Variants in TMEM229B observed in about 807,000 individuals in gnomAD.
TMEM229B encodes transmembrane protein 229B, also known as chromosome 14 open reading frame 83.
TMEM229B carries 6 observed loss-of-function variants against 13.7 expected under a neutral mutation model. The observed-to-expected ratio is 0.44, with a 90% CI of 0.24 to 0.86. The LOEUF is 0.86. Among genes scored for constraint, TMEM229B ranks in the 40% least tolerant of loss-of-function variants. The pLI is 0.23. For synonymous variants in TMEM229B, 107 were observed against 102.1 expected (o/e 1.05, Z -0.29); for missense variants, 170 against 236.0 (o/e 0.72, Z 1.83).
At chr14:67,516,088 A>C (rs1453501994), upstream of TMEM229B, among the ~76,000 whole-genome samples, 1 of 152,238 alleles carries the variant, frequency 6.6e-6, no homozygotes, top group Non-Finnish European at 1.5e-5. Context: ...ACAATACCGA[A>C]CGTAGGAAAT....
upstream of TMEM229B, among the ~76,000 whole-genome samples, chr14:67,491,111 G>A (rs1377461837): frequency 6.6e-6 from 1 of 152,176 alleles, no homozygotes; most frequent in Non-Finnish European, 1.5e-5. Flanking sequence ...ACAAACCAGG[G>A]TTCCCATGAC....
At chr14:67,482,098 G>A (rs1011935913) in intron 2 of TMEM229B, among the ~76,000 whole-genome samples, 7 of 152,154 alleles carry the variant, frequency 4.6e-5, no homozygotes, top group Admixed American at 4.6e-4. Flanking sequence ...GAGTCCCATC[G>A]AAGGGCCAGG....
intron 1 of TMEM229B, among the ~76,000 whole-genome samples, chr14:67,524,754 C>A (rs2033342245): frequency 6.6e-6 from 1 of 152,194 alleles, no homozygotes; most frequent in African/African-American, 2.4e-5. Flanking sequence ...TCCAGTAATG[C>A]TGTTGTGGTC....
upstream of TMEM229B, among the ~76,000 whole-genome samples, chr14:67,516,439 C>A (rs184241062): frequency 5.1e-4 from 77 of 152,246 alleles, 2 homozygotes; most frequent in Non-Finnish European, 7.4e-5. Context: ...GAGGCTGAAG[C>A]CCTTACCCCT....
chr14:67,504,302 C>T (rs2032734952), intron 1 of TMEM229B, among the ~76,000 whole-genome samples: 1 of 152,216 alleles, frequency 6.6e-6, no homozygotes, highest in Non-Finnish European at 1.5e-5. Flanking sequence ...GCGTGAGCCA[C>T]CGTGCCCAGG....
chr14:67,522,779 G>T (rs114771573), intron 1 of TMEM229B, among the ~76,000 whole-genome samples: 111 of 152,324 alleles, frequency 7.3e-4, no homozygotes, highest in African/African-American at 2.5e-3. Context: ...GTGAGGCAGT[G>T]TGCCCACTGC....
At chr14:67,498,274 G>A (rs2032470000) in intron 1 of TMEM229B, among the ~76,000 whole-genome samples, 2 of 152,104 alleles carry the variant, frequency 1.3e-5, no homozygotes, top group Non-Finnish European at 2.9e-5. Context: ...AAGCTTCTGA[G>A]CCACGATGGG....
chr14:67,499,557 G>T (rs1238169213), intron 1 of TMEM229B, among the ~76,000 whole-genome samples: 1 of 152,214 alleles, frequency 6.6e-6, no homozygotes, highest in Non-Finnish European at 1.5e-5. Flanking sequence ...ATAAATAGGT[G>T]CCAGGCTTGG....
intron 1 of TMEM229B, among the ~76,000 whole-genome samples, chr14:67,496,776 T>G (rs898946907): frequency 2.1e-5 from 2 of 96,938 alleles, no homozygotes; most frequent in Non-Finnish European, 4.4e-5. Flanking sequence ...CCTTCCTCCC[T>G]CCCTCATTTC....
At position 67,510,172 on chromosome 14, in the gene TMEM229B, G is replaced by A. The variant is rs560014646; in HGVS notation, c.-192+4914C>T. On this transcript the variant is annotated intron_variant, in intron 1 of 2. Transcript: ENST00000357461. ...GATAATTAATAGTAGCTATCTCATT[G>A]ATATGAGAAAAGAACATATGTAAAT... is the stretch of plus-strand genomic sequence containing the variant. Among the ~76,000 whole-genome samples, 9 of 152,302 alleles carry A rather than the reference G, an allele frequency of 5.9e-5. No homozygotes were observed. The South Asian group carries it at 1.9e-3, about 32-fold the overall frequency.
rs535005334 is a variant in TMEM229B at position 67,505,710 on chromosome 14, CT to C, written c.-192+9375del. On this transcript the variant is annotated intron_variant, in intron 1 of 2. Coordinates refer to the TMEM229B transcript ENST00000357461. ...GATCTAGAATAGAGGATAATTTGCT[CT>C]TTTTTTTTTTTTTTAAACAGATTCT... 4.5e-3 allele frequency among the ~76,000 whole-genome samples: 634 copies of C among 141,234 alleles called. 3 individuals are homozygous for C. Among genetic ancestry groups the C allele is most frequent in the Middle Eastern group, 0.014 (4 of 276 alleles). 92.7% of individuals were successfully genotyped at this position (141,234 alleles called of 152,430 possible).
Position 67,473,148 on chromosome 14 carries a change from C to A in TMEM229B, c.*272G>T, listed in dbSNP as rs1323933964. The stretch of plus-strand genomic sequence containing the variant: ...AACTACATAGTCCATCGCTGCTCAG[C>A]CACAGGCCTCCTGGTACCAACCCCT... On this transcript the variant is annotated 3_prime_UTR_variant, in exon 3 of 3. Transcript: ENST00000554480. This position sits in a 1 kb window ranked among gnomAD's most constrained non-coding sequence, Gnocchi z 6.5. 2 of 483,864 alleles carry A rather than the reference C, an allele frequency of 4.1e-6. No individual in the cohort carries two copies. The highest frequency in any genetic ancestry group is 7.5e-6 in the Non-Finnish European group (2 of 265,506). The allele number at this position is 483,864 out of a possible 1,614,324, so 30.0% of individuals were successfully genotyped here. A position where few individuals can be genotyped will look rare whatever the true frequency, so the allele number is the denominator to read the frequency against.
upstream of TMEM229B, among the ~76,000 whole-genome samples, chr14:67,492,675 A>G (rs747312208): frequency 7.2e-5 from 11 of 152,074 alleles, no homozygotes; most frequent in Non-Finnish European, 1.0e-4. Context: ...TGACAACAGG[A>G]CTCCGCTTTT....
intron 1 of TMEM229B, among the ~76,000 whole-genome samples, chr14:67,487,865 C>A (rs993515528): frequency 6.6e-6 from 1 of 152,042 alleles, no homozygotes; most frequent in African/African-American, 2.4e-5. Flanking sequence ...CTTGGCCAAC[C>A]CTCCCACCTC....
chr14:67,477,263 G>A (rs559298681), intron 2 of TMEM229B, among the ~76,000 whole-genome samples: 4 of 151,948 alleles, frequency 2.6e-5, no homozygotes, highest in African/African-American at 4.8e-5. Context: ...ACCTTGCCCC[G>A]ATTGACATCT....
rs147928002 is a variant in TMEM229B at position 67,511,092 on chromosome 14, T to G, written c.-192+3994A>C. On this transcript the variant is annotated intron_variant, in intron 1 of 2. Transcript: ENST00000357461. ...AACTCAGGGTGAGTGACCTTTCCAA[T>G]GGAAACGGATCATTCCAGAAGCTCA... Among the ~76,000 whole-genome samples the G allele has an allele frequency of 2.3e-3, 350 of 152,266 alleles. 2 individuals are homozygous for G. The highest frequency in any genetic ancestry group is 7.8e-3 in the African/African-American group (325 of 41,548).
chr14:67,474,149 A>G (rs920666230), intron 2 of TMEM229B, among the ~76,000 whole-genome samples: 12 of 152,106 alleles, frequency 7.9e-5, no homozygotes, highest in Non-Finnish European at 1.5e-4. Context: ...CTACTTGGGA[A>G]GCTGAGGCAG....
chr14:67,517,698 C>CA (rs1052951543), upstream of TMEM229B, among the ~76,000 whole-genome samples: 1 of 151,990 alleles, frequency 6.6e-6, no homozygotes, highest in Non-Finnish European at 1.5e-5. Flanking sequence ...CATTTCTTCC[C>CA]AAAAAAATTT....
chr14:67,483,532 G>A (rs71421375), intron 2 of TMEM229B, among the ~76,000 whole-genome samples: 2,255 of 152,346 alleles, frequency 0.015, 18 homozygotes, highest in Middle Eastern at 0.031. Flanking sequence ...CTTCTAGGTG[G>A]TTCATTAACA....
Sources: allele counts gnomAD v4.1 joint callset (sites outside exome capture counted in the v4.1 genomes callset), GRCh38; gene constraint gnomAD v4.1.1; non-coding constraint Gnocchi (gnomAD v3.1); transcripts MANE v1.5; gene names NCBI Gene and HGNC (gene_info 2026-07-23, HGNC 2026-07-21).